VPS13B: variants seen among roughly 807,000 people sequenced by gnomAD.
VPS13B encodes intermembrane lipid transfer protein VPS13B.
Under a neutral mutation model 426.4 loss-of-function variants are expected in VPS13B, and 285 were observed. The observed-to-expected ratio is 0.67, with a 90% CI of 0.61 to 0.74. VPS13B has a LOEUF of 0.74. Among genes scored for constraint, VPS13B ranks in the 30% least tolerant of loss-of-function variants. The pLI is 0.00. For synonymous variants in VPS13B, 1,676 were observed against 1,676.4 expected, an observed-to-expected ratio of 1.00 and a Z score of 0.01; for missense variants, 4,537 against 4,782.6, an observed-to-expected ratio of 0.95 and a Z score of 1.51.
intron 13 of VPS13B, among the ~76,000 whole-genome samples, chr8:99,147,082 G>A (rs1459958900): frequency 1.3e-5 from 2 of 151,780 alleles, no homozygotes; most frequent in Non-Finnish European, 1.5e-5. Flanking sequence ...GAGGAAGGGG[G>A]AACAAGACTA....
intron 19 of VPS13B, among the ~76,000 whole-genome samples, chr8:99,330,543 C>A (rs1563671418): frequency 6.6e-6 from 1 of 151,904 alleles, no homozygotes. Context: ...TCCCTCACCC[C>A]TACTCCTAGC....
At chr8:99,830,880 G>A (rs998630095) in intron 51 of VPS13B, among the ~76,000 whole-genome samples, 7 of 151,952 alleles carry the variant, frequency 4.6e-5, no homozygotes, top group South Asian at 2.1e-4. Context: ...TGCGCTTCCC[G>A]GGTGAGGCGA....
chr8:99,421,068 T>C (rs1195060411), intron 21 of VPS13B, among the ~76,000 whole-genome samples: 2 of 152,158 alleles, frequency 1.3e-5, no homozygotes, highest in Non-Finnish European at 2.9e-5. Context: ...AAGGTGGAAG[T>C]CGGAAACCTG....
At chr8:99,604,256 A>G (rs1315011124) in intron 33 of VPS13B, among the ~76,000 whole-genome samples, 1 of 152,190 alleles carries the variant, frequency 6.6e-6, no homozygotes, top group Non-Finnish European at 1.5e-5. Flanking sequence ...TACTGTACCC[A>G]GTTTCCCTTC....
At chr8:99,016,544 T>C (rs185599738) in intron 2 of VPS13B, among the ~76,000 whole-genome samples, 90 of 151,438 alleles carry the variant, frequency 5.9e-4, no homozygotes, top group Non-Finnish European at 1.0e-3. Flanking sequence ...TTTTTTCCTT[T>C]TTTAAAAATT....
At chr8:99,849,694 A>C (rs995799916) in intron 55 of VPS13B, among the ~76,000 whole-genome samples, 1 of 152,198 alleles carries the variant, frequency 6.6e-6, no homozygotes, top group African/African-American at 2.4e-5. Flanking sequence ...GTACACAGTG[A>C]GAGATATCAC....
Position 99,853,956 on chromosome 8 carries a change from T to C in VPS13B, c.10567T>C (p.Tyr3523His). The change falls in exon 56 of 62, where the codon TAC becomes CAC. Residue 3523 changes from tyrosine to histidine, a missense_variant. Physicochemically the swap from Tyr to His is moderately conservative, Grantham distance 83. Around this residue, in one of 2 missense-constraint regions of VPS13B, gnomAD observed 4,311 missense variants for 4,474.3 expected, o/e 0.96. Transcript: ENST00000357162. ...VYYIKTLFDT[Y>H]LPNSRLAGHS... ...CTACATCAAGACTTTGTTTGACACC[T>C]ACCTTCCTAACAGCAGGTTGGCTGG... is the stretch of plus-strand genomic sequence containing the variant. 1 of 1,614,268 alleles carries C rather than the reference T, an allele frequency of 6.2e-7. No individual in the cohort carries two copies. Among genetic ancestry groups the C allele is most frequent in the Non-Finnish European group, 8.5e-7 (1 of 1,180,042 alleles).
intron 30 of VPS13B, chr8:99,527,974 A>G (rs547509691): frequency 3.3e-5 from 5 of 152,146 alleles, no homozygotes; most frequent in East Asian, 3.9e-4. Flanking sequence ...TATAAATGAC[A>G]TATATTTCTT....
intron 30 of VPS13B, among the ~76,000 whole-genome samples, chr8:99,537,440 CAT>C (rs1407567449): frequency 6.6e-6 from 1 of 152,146 alleles, no homozygotes; most frequent in Non-Finnish European, 1.5e-5. Context: ...GATTCTATAT[CAT>C]ATACAATGCG....
chr8:99,562,491 G>A (rs888382829), intron 31 of VPS13B, among the ~76,000 whole-genome samples: 2 of 152,240 alleles, frequency 1.3e-5, no homozygotes, highest in African/African-American at 4.8e-5. Context: ...AGGTTGGCCA[G>A]GCTGGCCTCG....
intron 15 of VPS13B, among the ~76,000 whole-genome samples, chr8:99,163,422 G>A (rs879794695): frequency 5.3e-5 from 8 of 152,230 alleles, no homozygotes; most frequent in Admixed American, 4.6e-4. Flanking sequence ...TTGGGTGGTC[G>A]ATGGGACTGG....
At position 99,875,474 on chromosome 8, in the gene VPS13B, C is replaced by CT; in HGVS notation, c.11802_11803insT (p.Ile3935TyrfsTer32). 1 of 1,614,182 alleles carries CT rather than the reference C, an allele frequency of 6.2e-7. No homozygotes were observed. Among genetic ancestry groups the CT allele is most frequent in the Non-Finnish European group, 8.5e-7 (1 of 1,180,024 alleles). ...AACAGTACAACAGACTGGTGGACTA[C>CT]ATCACAAAGACATCTTGTCACCTGG... On this transcript the variant is annotated frameshift_variant, in exon 62 of 62. Coordinates refer to ENST00000357162, the MANE Select transcript of VPS13B (RefSeq NM_152564.5). LOFTEE classifies it high-confidence loss of function.
rs1301951434 is a variant in VPS13B, at chr8:99,037,391, TTAATA to T, written c.148-1025_148-1021del. 2.6e-5 allele frequency among the ~76,000 whole-genome samples: 4 copies of T among 152,180 alleles called. No individual in the cohort carries two copies. In the East Asian group the frequency reaches 5.8e-4, roughly 22 times the overall value. The stretch of plus-strand genomic sequence containing the variant: ...GGTAGTATTCTAAGCTTTATATAGA[TTAATA>T]TAATATTCAAAATGTAGTCTTTTTA... On this transcript the variant is annotated intron_variant, in intron 2 of 61. Coordinates refer to ENST00000357162, the MANE Select transcript of VPS13B (RefSeq NM_152564.5).
At chr8:99,321,581 C>T (rs1402766469) in intron 19 of VPS13B, among the ~76,000 whole-genome samples, 2 of 152,080 alleles carry the variant, frequency 1.3e-5, no homozygotes, top group Non-Finnish European at 2.9e-5. Flanking sequence ...GATATTTTTC[C>T]TAATAAAAGT....
chr8:99,518,555 CT>C (rs926184917), intron 29 of VPS13B, among the ~76,000 whole-genome samples: 2 of 152,048 alleles, frequency 1.3e-5, no homozygotes, highest in Admixed American at 6.5e-5. Context: ...TTTTTTTCTC[CT>C]TTTGCTGTCC....
chr8:99,274,404 G>T, intron 18 of VPS13B, 72 bp downstream of exon 18: 1 of 1,606,472 alleles, frequency 6.2e-7, no homozygotes, highest in Non-Finnish European at 8.5e-7. Context: ...TACAAGGAGC[G>T]TTACTGAAAC....
At chr8:99,521,756 A>G (rs1035917320) in intron 30 of VPS13B, among the ~76,000 whole-genome samples, 6 of 152,232 alleles carry the variant, frequency 3.9e-5, no homozygotes, top group Non-Finnish European at 7.4e-5. Context: ...TCTAAAAAAT[A>G]AATTCCTACT....
At chr8:99,297,106 T>C (rs1160493842) in intron 19 of VPS13B, among the ~76,000 whole-genome samples, 1 of 152,186 alleles carries the variant, frequency 6.6e-6, no homozygotes, top group Admixed American at 6.6e-5. Flanking sequence ...AGACTTTAGA[T>C]GCTAAAATGT....
chr8:99,615,532 A>G (rs1026512955), intron 33 of VPS13B, among the ~76,000 whole-genome samples: 1 of 152,236 alleles, frequency 6.6e-6, no homozygotes, highest in Non-Finnish European at 1.5e-5. Context: ...AGAATCTGCT[A>G]CCATAGATTA....
Sources: gnomAD v4.1 joint callset for allele counts (sites outside exome capture counted in the v4.1 genomes callset) on GRCh38, gnomAD v4.1.1 for gene constraint, gnomAD v4.1.1 regional missense constraint, MANE v1.5 for transcripts, NCBI Gene and HGNC (gene_info 2026-07-23, HGNC 2026-07-21) for gene names.